The following BMP1 variants were observed in gnomAD, a reference collection of about 807,000 sequenced individuals.
BMP1 encodes mammalian tolloid protein.
In BMP1, 63 loss-of-function variants were observed where a neutral mutation model predicts 116.8. The observed-to-expected ratio is 0.54, with a 90% CI of 0.44 to 0.67. The LOEUF (loss-of-function observed/expected upper bound fraction) is 0.67, where lower values mean the gene tolerates loss of function less well. BMP1 is among the 30% of genes least tolerant of loss of function. The pLI is 0.00. For missense variants in BMP1, 1,183 were observed against 1,358.9 expected, an observed-to-expected ratio of 0.87 and a Z score of 2.04; for synonymous variants, 536 against 533.4, an observed-to-expected ratio of 1.00 and a Z score of -0.07.
At chr8:22,193,302 A>G (rs1433352559) in intron 9 of BMP1, among the ~76,000 whole-genome samples, 1 of 152,250 alleles carries the variant, frequency 6.6e-6, no homozygotes, top group Non-Finnish European at 1.5e-5. Flanking sequence ...ATTTGACCAA[A>G]TAAAAACATG....
intron 15 of BMP1, chr8:22,201,067 CCCT>C: frequency 7.7e-7 from 1 of 1,299,636 alleles, no homozygotes; most frequent in Non-Finnish European, 1.1e-6. Flanking sequence ...CTGGTCCCTG[CCCT>C]CCACCCCCAC....
chr8:22,176,620 G>C lies in BMP1; in HGVS notation c.521G>C (p.Ser174Thr). The change falls in exon 4 of 20, where the codon AGC becomes ACC. Residue 174 changes from serine to threonine, a missense_variant. Coordinates refer to ENST00000306385, the MANE Select transcript of BMP1 (RefSeq NM_006129.5). ...VTFLERTDED[S>T]YIVFTYRPCG... Reference sequence around the variant, plus strand: ...TTCCTGGAGCGCACTGACGAGGACAGCTATATTGTGTTCACCTATCGACCT... The same window carrying C: ...TTCCTGGAGCGCACTGACGAGGACACCTATATTGTGTTCACCTATCGACCT... The C allele has an allele frequency of 6.2e-7, 1 of 1,614,194 alleles. No homozygotes were observed. Among genetic ancestry groups the C allele is most frequent in the Non-Finnish European group, 8.5e-7 (1 of 1,180,008 alleles).
At chr8:22,199,204 C>T (rs1476928144) in intron 15 of BMP1, 3 of 1,367,520 alleles carry the variant, frequency 2.2e-6, no homozygotes, top group African/African-American at 3.0e-5. Flanking sequence ...CAGAGGACCC[C>T]CACTGGGGGC....
In BMP1 at chr8:22,177,057, C is replaced by T; in HGVS notation, c.648C>T (p.Gly216=). 1 of 1,612,650 alleles carries T rather than the reference C, an allele frequency of 6.2e-7. No individual in the cohort carries two copies. Reference sequence around the variant, plus strand: ...TCGGCATTGTGGTCCACGAGCTGGGCCACGTCGTCGGCTTCTGGCACGAAC... The same window carrying T: ...TCGGCATTGTGGTCCACGAGCTGGGTCACGTCGTCGGCTTCTGGCACGAAC... ...DKFGIVVHEL[G]HVVGFWHEHT... The change falls in exon 5 of 20, where the codon GGC becomes GGT. Residue 216 remains glycine (G), a synonymous_variant. Transcript: ENST00000306385.
intron 8 of BMP1, among the ~76,000 whole-genome samples, chr8:22,190,086 A>G (rs62494048): frequency 4.0e-5 from 6 of 151,848 alleles, no homozygotes; most frequent in African/African-American, 1.2e-4. Context: ...ACACCTGGCT[A>G]ATTTTTTTTT....
At chr8:22,203,016 TATAA>T (rs998754526) in intron 16 of BMP1, among the ~76,000 whole-genome samples, 1 of 151,964 alleles carries the variant, frequency 6.6e-6, no homozygotes, top group South Asian at 2.1e-4. Context: ...CAAATAAAAA[TATAA>T]ATAAATAAAT....
intron 8 of BMP1, 111 bp downstream of exon 8, chr8:22,180,594 C>A (rs912945178): frequency 2.1e-6 from 2 of 961,508 alleles, no homozygotes; most frequent in East Asian, 2.5e-5. Flanking sequence ...ACCTGGCTAC[C>A]GTAAATGTAT....
Position 22,194,458 on chromosome 8 carries a change from T to C in BMP1, c.1311T>C (p.Gly437=). 1 of 1,613,652 alleles carries C rather than the reference T, an allele frequency of 6.2e-7. No homozygotes were observed. Among genetic ancestry groups the C allele is most frequent in the South Asian group, 1.1e-5 (1 of 91,064 alleles). The change falls in exon 11 of 20, where the codon GGT becomes GGC. Residue 437 remains glycine, a synonymous_variant. Transcript: ENST00000306385. The surrounding 1 kb of genome is among the most constrained non-coding windows in gnomAD (Gnocchi z 4.5). The stretch of plus-strand genomic sequence containing the variant: ...GTGTCCCCACAGCCATCTGCGGGGG[T>C]GATGTGAAAAAGGACTATGGCCACA... The part of the protein sequence containing the change: ...FFAVYEAICG[G]DVKKDYGHIQ...
chr8:22,177,191 C>T (rs775574634), intron 5 of BMP1, 52 bp downstream of exon 5: 4 of 1,512,334 alleles, frequency 2.6e-6, no homozygotes, highest in Non-Finnish European at 3.6e-6. Flanking sequence ...CGCCCCAGCC[C>T]CCACCTCCAG....
At chr8:22,210,226 A>C (rs1829436984) in intron 19 of BMP1, among the ~76,000 whole-genome samples, 1 of 152,200 alleles carries the variant, frequency 6.6e-6, no homozygotes, top group African/African-American at 2.4e-5. Context: ...GCCCCTGGGC[A>C]CTGCTTCTTG....
intron 18 of BMP1, among the ~76,000 whole-genome samples, chr8:22,209,132 A>C (rs985465302): frequency 2.6e-5 from 4 of 152,214 alleles, no homozygotes; most frequent in African/African-American, 9.7e-5. Context: ...TTCTTCCATG[A>C]CAGCCATCAG....
At chr8:22,176,804 C>G (rs1828450989) in intron 4 of BMP1, 154 bp downstream of exon 4, 3 of 997,200 alleles carry the variant, frequency 3.0e-6, no homozygotes, top group Non-Finnish European at 4.5e-6. Context: ...CCCTGTGCGG[C>G]TGTGACCTCC....
Position 22,189,153 on chromosome 8 carries a change from G to A in BMP1, c.1078-2896G>A, listed in dbSNP as rs931673833. Among the ~76,000 whole-genome samples, 7 of 152,124 alleles carry A rather than the reference G, an allele frequency of 4.6e-5. No individual in the cohort carries two copies. In the East Asian group the frequency reaches 1.2e-3, roughly 25 times the overall value. ...GATCCCATTCCTCAGAGGTGACTAA[G>A]CATTGGTAACACTTTCTGGTGTCTC... is the stretch of plus-strand genomic sequence containing the variant. On this transcript the variant is annotated intron_variant, in intron 8 of 19. Transcript: ENST00000306385.
At chr8:22,196,021 A>G (rs556379766) in intron 13 of BMP1, among the ~76,000 whole-genome samples, 25 of 151,996 alleles carry the variant, frequency 1.6e-4, no homozygotes, top group Non-Finnish European at 2.8e-4. Context: ...TAGCTCATGG[A>G]TAAGAAACAC....
intron 1 of BMP1, chr8:22,169,551 G>A (rs1828216669): frequency 6.6e-6 from 1 of 152,290 alleles, no homozygotes; most frequent in Admixed American, 6.5e-5. Flanking sequence ...CGGTCTTCCT[G>A]AGTACATGCA....
At position 22,207,396 on chromosome 8, in the gene BMP1, G is replaced by C; in HGVS notation, c.2455G>C (p.Gly819Arg). 1 of 1,614,148 alleles carries C rather than the reference G, an allele frequency of 6.2e-7. No individual in the cohort carries two copies. The highest frequency in any genetic ancestry group is 8.5e-7 in the Non-Finnish European group (1 of 1,180,038). The change falls in exon 18 of 20, where the codon GGC becomes CGC. Residue 819 changes from glycine (G) to arginine (R), a missense_variant. Coordinates refer to ENST00000306385, the MANE Select transcript of BMP1 (RefSeq NM_006129.5). ...GCGAGACGCCAAGGCCCCCGTCCTC[G>C]GCCGCTTCTGTGGGAGCAAGAAGCC... ...DGRDAKAPVL[G>R]RFCGSKKPEP...
At chr8:22,205,088 A>T (rs1159618931) in intron 16 of BMP1, among the ~76,000 whole-genome samples, 1 of 152,166 alleles carries the variant, frequency 6.6e-6, no homozygotes, top group East Asian at 1.9e-4. Context: ...GCAGGGTAGC[A>T]GGGTAGGTGG....
rs1828948301 is a variant in BMP1 at position 22,192,076 on chromosome 8, C to T, written c.1105C>T (p.Leu369=). The T allele has an allele frequency of 6.2e-7, 1 of 1,613,872 alleles. No individual in the cohort carries two copies. Among genetic ancestry groups the T allele is most frequent in the Non-Finnish European group, 8.5e-7 (1 of 1,179,878 alleles). Residue 369 remains leucine, a synonymous_variant, in exon 9 of 20, where the codon CTG becomes TTG. Coordinates refer to ENST00000306385, the MANE Select transcript of BMP1 (RefSeq NM_006129.5). ...KIILNFTSLD[L]YRSRLCWYDY... is the part of the protein sequence containing the mutation. ...CATCCTGAACTTCACGTCCCTGGAC[C>T]TGTACCGCAGCCGCCTGTGCTGGTA...
In BMP1 at chr8:22,179,675, C is replaced by T. The variant is rs1563247660; in HGVS notation, c.837-30C>T. 6.2e-7 allele frequency: 1 copy of T among 1,612,920 alleles called. No homozygotes were observed. Among genetic ancestry groups the T allele is most frequent in the Non-Finnish European group, 8.5e-7 (1 of 1,179,350 alleles). ...CTCCCTGCCCACTGTCCATGAGACG[C>T]TCACCCTTACTTTTCTCCCTCTTCT... On this transcript the variant is annotated intron_variant, in intron 6 of 19. Transcript: ENST00000306385. This position sits in a 1 kb window ranked among gnomAD's most constrained non-coding sequence, Gnocchi z 4.6.
Sources: gnomAD v4.1 joint callset for allele counts (sites outside exome capture counted in the v4.1 genomes callset) on GRCh38, gnomAD v4.1.1 for gene constraint, Gnocchi (gnomAD v3.1) non-coding constraint, MANE v1.5 for transcripts, NCBI Gene and HGNC (gene_info 2026-07-23, HGNC 2026-07-21) for gene names.